EHD3: variants seen among roughly 807,000 people sequenced by gnomAD.
EHD3 encodes the protein EH domain containing 3, also known as EH domain-containing protein 3.
EHD3 carries 17 observed loss-of-function variants against 43.0 expected under a neutral mutation model. That is an observed-to-expected ratio of 0.40 (90% CI 0.27 to 0.59). The LOEUF is 0.59. Among genes scored for constraint, EHD3 ranks in the 20% least tolerant of loss-of-function variants. The pLI is 0.49. For missense variants in EHD3, 594 were observed against 705.6 expected (o/e 0.84, Z 1.79); for synonymous variants, 313 against 289.5 (o/e 1.08, Z -0.82).
chr2:31,243,444 C>CT (rs1683458557), intron 1 of EHD3, among the ~76,000 whole-genome samples: 2 of 81,926 alleles, frequency 2.4e-5, no homozygotes, highest in African/African-American at 1.1e-4. Flanking sequence ...TTCTTTCTTT[C>CT]TTTCTTTCTT....
At chr2:31,264,533 CT>C (rs35446028) in intron 5 of EHD3, among the ~76,000 whole-genome samples, 143 of 114,142 alleles carry the variant, frequency 1.3e-3, no homozygotes, top group East Asian at 3.9e-3. Flanking sequence ...ACTTTACAGA[CT>C]TTTTTTTTTT....
intron 3 of EHD3, among the ~76,000 whole-genome samples, chr2:31,251,722 G>A (rs976428531): frequency 6.6e-6 from 1 of 152,124 alleles, no homozygotes; most frequent in African/African-American, 2.4e-5. Context: ...TGGGAAAATA[G>A]GGATGTCTGA....
At chr2:31,245,456 T>A (rs1453154105) in intron 2 of EHD3, among the ~76,000 whole-genome samples, 2 of 151,222 alleles carry the variant, frequency 1.3e-5, no homozygotes, top group African/African-American at 4.9e-5. Flanking sequence ...GGAATAGGCA[T>A]CTGCTGTGGC....
intron 3 of EHD3, among the ~76,000 whole-genome samples, chr2:31,255,367 C>T (rs1048434908): frequency 3.3e-5 from 5 of 152,166 alleles, no homozygotes; most frequent in African/African-American, 7.2e-5. Context: ...TAGCACTCAC[C>T]GCAGCTGCTG....
Position 31,261,698 on chromosome 2 carries a change from T to A in EHD3, c.1065T>A (p.Asn355Lys). ...AGATCTCACCTGGGGACTTCCCCAA[T>A]CTGAAGAGGATGCAGGTAGCGAGGG... ...EHQISPGDFP[N>K]LKRMQDQLQA... is the part of the protein sequence containing the mutation. The change falls in exon 5 of 6, where the codon AAT becomes AAA. Residue 355 changes from asparagine to lysine, a missense_variant. By Grantham distance (94) the Asn-to-Lys change is moderately conservative. This residue lies in a region of EHD3 where 322 missense variants were observed against 348.0 expected (regional missense o/e 0.93). Transcript: ENST00000322054. The A allele has an allele frequency of 6.2e-7, 1 of 1,614,126 alleles. No homozygotes were observed.
chr2:31,237,186 G>A (rs1683340017), intron 1 of EHD3, among the ~76,000 whole-genome samples: 1 of 151,934 alleles, frequency 6.6e-6, no homozygotes, highest in Non-Finnish European at 1.5e-5. Context: ...CCAGTAAACA[G>A]TTGTTTTTAA....
At position 31,234,352 on chromosome 2, in the gene EHD3, G is replaced by T; in HGVS notation, c.-270G>T. The stretch of plus-strand genomic sequence containing the variant: ...TTGCAGGTTCAACTTTAATTGCCAA[G>T]ATTTCACCCCTCCTCCTCAAGCCCA... On this transcript the variant is annotated 5_prime_UTR_variant, in exon 1 of 6. Transcript: ENST00000322054. 2.1e-6 allele frequency: 1 copy of T among 481,674 alleles called. No individual in the cohort carries two copies. Among genetic ancestry groups the T allele is most frequent in the Non-Finnish European group, 3.8e-6 (1 of 266,190 alleles). The allele number at this position is 481,674 out of a possible 1,614,324, so 29.8% of individuals were successfully genotyped here.
chr2:31,268,859 C>G lies in EHD3; in HGVS notation c.*2155C>G. On this transcript the variant is annotated 3_prime_UTR_variant, in exon 6 of 6. Transcript: ENST00000322054. ...TTTATTTTATAGGAAAGGGAGATGT[C>G]TGTTATCCCCTTTCTTCACTGCCAC... is the stretch of plus-strand genomic sequence containing the variant. The G allele has an allele frequency of 6.6e-6, 1 of 152,180 alleles. No homozygotes were observed. The highest frequency in any genetic ancestry group is 1.5e-5 in the Non-Finnish European group (1 of 68,032). The allele number at this position is 152,180 out of a possible 1,614,324, so 9.4% of individuals were successfully genotyped here.
In EHD3 at chr2:31,259,706, G is replaced by C. The variant is rs181429785; in HGVS notation, c.503-804G>C. On this transcript the variant is annotated intron_variant, in intron 3 of 5. Coordinates refer to ENST00000322054, the MANE Select transcript of EHD3 (RefSeq NM_014600.3). ...TAACAAGAATTGCAGATTTCTTCCAGACCAGTGACAGGCATGGTCTGAACC... is the reference window on the plus strand; with the variant it reads ...TAACAAGAATTGCAGATTTCTTCCACACCAGTGACAGGCATGGTCTGAACC... Among the ~76,000 whole-genome samples the C allele has an allele frequency of 3.0e-3, 450 of 152,314 alleles. 3 individuals carry two copies. The highest frequency in any genetic ancestry group is 0.017 in the South Asian group (80 of 4,830).
At chr2:31,239,725 C>G (rs77722663) in intron 1 of EHD3, among the ~76,000 whole-genome samples, 1 of 152,202 alleles carries the variant, frequency 6.6e-6, no homozygotes, top group Non-Finnish European at 1.5e-5. Context: ...TAGTAATAAC[C>G]GCCTCACAGC....
intron 3 of EHD3, among the ~76,000 whole-genome samples, chr2:31,254,921 G>A (rs147766741): frequency 1.3e-3 from 204 of 152,360 alleles, no homozygotes; most frequent in Middle Eastern, 6.8e-3. Flanking sequence ...CACGTGGCTG[G>A]AAACCCGAAG....
At position 31,261,710 on chromosome 2, in the gene EHD3, G is replaced by A. The variant is rs1267955581; in HGVS notation, c.1077G>A (p.Met359Ile). The change falls in exon 5 of 6, where the codon ATG becomes ATA. Residue 359 changes from methionine (M) to isoleucine (I), a missense_variant. This residue lies in a region of EHD3 where 322 missense variants were observed against 348.0 expected (regional missense o/e 0.93). Coordinates refer to ENST00000322054, the MANE Select transcript of EHD3 (RefSeq NM_014600.3). ...SPGDFPNLKR[M>I]QDQLQAQDFS... ...GGGACTTCCCCAATCTGAAGAGGATGCAGGTAGCGAGGGCTGGGGTCTCTA... is the reference window on the plus strand; with the variant it reads ...GGGACTTCCCCAATCTGAAGAGGATACAGGTAGCGAGGGCTGGGGTCTCTA... The A allele has an allele frequency of 6.2e-7, 1 of 1,613,984 alleles. No individual in the cohort carries two copies. Among genetic ancestry groups the A allele is most frequent in the African/African-American group, 1.3e-5 (1 of 74,942 alleles).
intron 1 of EHD3, among the ~76,000 whole-genome samples, chr2:31,238,286 C>T (rs1282829733): frequency 6.6e-6 from 1 of 152,166 alleles, no homozygotes; most frequent in Non-Finnish European, 1.5e-5. Flanking sequence ...CATGCCAGGC[C>T]TGAACCTGTG....
At position 31,234,191 on chromosome 2, in the gene EHD3, T is replaced by C. The variant is rs1683277715; in HGVS notation, c.-431T>C. 1 of 220,298 alleles carries C rather than the reference T, an allele frequency of 4.5e-6. No homozygotes were observed. Among genetic ancestry groups the C allele is most frequent in the Admixed American group, 5.5e-5 (1 of 18,060 alleles). The allele number at this position is 220,298 out of a possible 1,614,324, so 13.6% of individuals were successfully genotyped here. A position where few individuals can be genotyped will look rare whatever the true frequency, so the allele number is the denominator to read the frequency against. Reference sequence around the variant, plus strand: ...AGAGCTGTCCGCGGGCTGGGCAGCGTCGCCGTCTCCCCTGAGCCGCCTCGG... The same window carrying C: ...AGAGCTGTCCGCGGGCTGGGCAGCGCCGCCGTCTCCCCTGAGCCGCCTCGG... On this transcript the variant is annotated 5_prime_UTR_variant, in exon 1 of 6. Coordinates refer to ENST00000322054, the MANE Select transcript of EHD3 (RefSeq NM_014600.3).
At position 31,260,995 on chromosome 2, in the gene EHD3, G is replaced by T; in HGVS notation, c.915+73G>T. ...TTTGGGGTCAGCTGCACGAGCTGAG[G>T]GTTGCTGCCTCCAACAGCCAGTGCA... On this transcript the variant is annotated intron_variant, in intron 4 of 5. Coordinates refer to ENST00000322054, the MANE Select transcript of EHD3 (RefSeq NM_014600.3). This position sits in a 1 kb window ranked among gnomAD's most constrained non-coding sequence, Gnocchi z 4.6. 6.7e-7 allele frequency: 1 copy of T among 1,494,740 alleles called. No individual in the cohort carries two copies. Among genetic ancestry groups the T allele is most frequent in the Non-Finnish European group, 9.0e-7 (1 of 1,109,566 alleles). 92.6% of individuals were successfully genotyped at this position (1,494,740 alleles called of 1,614,324 possible). A position where few individuals can be genotyped will look rare whatever the true frequency, so the allele number is the denominator to read the frequency against.
In EHD3 at chr2:31,260,017, CATG is replaced by C. The variant is rs368665028; in HGVS notation, c.503-492_503-490del. 9.1e-4 allele frequency among the ~76,000 whole-genome samples: 139 copies of C among 152,268 alleles called. 1 individual carries two copies. In the South Asian group the frequency reaches 0.028, roughly 30 times the overall value. On this transcript the variant is annotated intron_variant, in intron 3 of 5. Transcript: ENST00000322054. The surrounding 1 kb of genome is among the most constrained non-coding windows in gnomAD (Gnocchi z 4.6). The stretch of plus-strand genomic sequence containing the variant: ...GGAGTTCAAGACTCAGCCTGGCTAA[CATG>C]GTTAAACCTGTCTCTACTAAAAACA...
chr2:31,265,876 G>A (rs1262013546), intron 5 of EHD3, among the ~76,000 whole-genome samples: 1 of 152,182 alleles, frequency 6.6e-6, no homozygotes, highest in Non-Finnish European at 1.5e-5. Flanking sequence ...TGACATTGAA[G>A]GGGATTGAAA....
chr2:31,245,165 T>A (rs1235842153), intron 2 of EHD3, among the ~76,000 whole-genome samples: 1 of 152,226 alleles, frequency 6.6e-6, no homozygotes, highest in Non-Finnish European at 1.5e-5. Flanking sequence ...AAACTACTTT[T>A]TCTAATTGGA....
chr2:31,251,600 A>G (rs1683636822), intron 3 of EHD3, among the ~76,000 whole-genome samples: 1 of 152,134 alleles, frequency 6.6e-6, no homozygotes, highest in East Asian at 1.9e-4. Flanking sequence ...TGGCCTGTGA[A>G]TTCTGGGACA....
Sources: allele counts gnomAD v4.1 joint callset (sites outside exome capture counted in the v4.1 genomes callset), GRCh38; gene constraint gnomAD v4.1.1; regional missense constraint gnomAD v4.1.1; non-coding constraint Gnocchi (gnomAD v3.1); transcripts MANE v1.5; gene names NCBI Gene and HGNC (gene_info 2026-07-23, HGNC 2026-07-21).